Variants in FRY observed in about 807,000 individuals in gnomAD.
The protein encoded by FRY is FRY microtubule binding protein.
In FRY, 128 loss-of-function variants were observed where a neutral mutation model predicts 348.4. That is an observed-to-expected ratio of 0.37 (90% CI 0.32 to 0.43). The LOEUF (loss-of-function observed/expected upper bound fraction) is 0.43. FRY is among the 20% of genes least tolerant of loss of function. The pLI is 1.00. For synonymous variants in FRY, 1,370 were observed against 1,374.7 expected (o/e 1.00, Z 0.08); for missense variants, 2,736 against 3,695.2 (o/e 0.74, Z 6.73).
intron 1 of FRY, among the ~76,000 whole-genome samples, chr13:32,032,869 C>A (rs888036326): frequency 3.3e-5 from 5 of 152,184 alleles, no homozygotes; most frequent in African/African-American, 1.2e-4. Context: ...ACTGATTAAC[C>A]TACCTGTGCT....
chr13:32,184,585 C>G lies in FRY; in HGVS notation c.3055-15C>G. On this transcript the variant is annotated splice_polypyrimidine_tract_variant and intron_variant, in intron 24 of 60. Coordinates refer to ENST00000542859, the MANE Select transcript of FRY (RefSeq NM_023037.3). ...TTGCCTGTGTCTGTAAGTGATACTACCTCTTTCTACACAGAACAAGAAACG... is the reference window on the plus strand; with the variant it reads ...TTGCCTGTGTCTGTAAGTGATACTAGCTCTTTCTACACAGAACAAGAAACG... 6.4e-7 allele frequency: 1 copy of G among 1,550,832 alleles called. No homozygotes were observed. Among genetic ancestry groups the G allele is most frequent in the Non-Finnish European group, 8.9e-7 (1 of 1,122,592 alleles).
At chr13:32,107,009 T>G (rs1877595355) in intron 3 of FRY, among the ~76,000 whole-genome samples, 2 of 152,228 alleles carry the variant, frequency 1.3e-5, no homozygotes, top group Admixed American at 1.3e-4. Flanking sequence ...ACTCATAATT[T>G]TATTGGTTTA....
rs565357679 is a variant in FRY at position 32,262,421 on chromosome 13, C to T, written c.7725C>T (p.Ser2575=). 10 of 1,613,454 alleles carry T rather than the reference C, an allele frequency of 6.2e-6. No homozygotes were observed. The highest frequency in any genetic ancestry group is 8.5e-6 in the Non-Finnish European group (10 of 1,179,494). ...ATTCCTTTAACACCAGAATGTCCAG[C>T]TTTGATGCTTCCTTGCCTGATATGA... ...EPHSFNTRMS[S]FDASLPDMNN... is the part of the protein sequence containing the mutation. The change falls in exon 53 of 61, where the codon AGC becomes AGT. Residue 2575 remains serine, a synonymous_variant. Transcript: ENST00000542859.
intron 52 of FRY, 29 bp downstream of exon 52, chr13:32,261,845 T>C: frequency 6.3e-7 from 1 of 1,593,408 alleles, no homozygotes; most frequent in Admixed American, 1.7e-5. Flanking sequence ...ACTCTAAGAA[T>C]TGGGAGGCTT....
chr13:32,187,596 T>C lies in FRY; in HGVS notation c.3531T>C (p.Leu1177=). The change falls in exon 28 of 61, where the codon CTT becomes CTC. Residue 1177 remains leucine (L), a synonymous_variant. Transcript: ENST00000542859. ...GCCCTGTCTTTGACAATGTGGGCCTTTCCCCAGATGGCTACCTATATAAAT... is the reference window on the plus strand; with the variant it reads ...GCCCTGTCTTTGACAATGTGGGCCTCTCCCCAGATGGCTACCTATATAAAT... ...CCGPVFDNVG[L]SPDGYLYKWL... 1.9e-6 allele frequency: 3 copies of C among 1,613,100 alleles called. No individual in the cohort carries two copies. The highest frequency in any genetic ancestry group is 2.5e-6 in the Non-Finnish European group (3 of 1,179,064).
At chr13:32,124,767 C>A in intron 6 of FRY, 28 bp from the exon 7 acceptor site, 1 of 1,572,768 alleles carries the variant, frequency 6.4e-7, no homozygotes, top group South Asian at 1.1e-5. Context: ...CCAGGGATCC[C>A]TAACTTGTCT....
At chr13:32,142,010 G>GT (rs113549707) in intron 11 of FRY, among the ~76,000 whole-genome samples, 4,732 of 151,944 alleles carry the variant, frequency 0.031, 269 homozygotes, top group African/African-American at 0.11. Flanking sequence ...CAGAAGAATG[G>GT]TTTTTTTTGA....
intron 1 of FRY, among the ~76,000 whole-genome samples, chr13:32,060,363 T>G: frequency 6.6e-6 from 1 of 152,240 alleles, no homozygotes; most frequent in Non-Finnish European, 1.5e-5. Flanking sequence ...ACAAGTCAGT[T>G]TAGGCTGTGT....
intron 3 of FRY, among the ~76,000 whole-genome samples, chr13:32,110,277 G>A (rs1010773339): frequency 1.3e-5 from 2 of 152,130 alleles, no homozygotes; most frequent in African/African-American, 4.8e-5. Flanking sequence ...TCTGTGGAGA[G>A]CATCTATGAA....
intron 31 of FRY, among the ~76,000 whole-genome samples, chr13:32,206,928 T>G (rs953160271): frequency 3.9e-5 from 6 of 152,140 alleles, no homozygotes; most frequent in Admixed American, 3.3e-4. Context: ...ACTGATGTGG[T>G]CTCACATTTT....
intron 46 of FRY, among the ~76,000 whole-genome samples, chr13:32,240,086 A>G (rs551237385): frequency 1.3e-5 from 2 of 152,316 alleles, no homozygotes; most frequent in East Asian, 3.9e-4. Flanking sequence ...ATTTGCATAA[A>G]ATTGATAATA....
chr13:32,218,699 G>A (rs201149016), intron 35 of FRY, 50 bp from the exon 36 acceptor site: 45 of 777,940 alleles, frequency 5.8e-5, no homozygotes, highest in African/African-American at 1.5e-4. Context: ...AAAAAAAAGC[G>A]CATATGCACA....
At chr13:32,292,576 A>G (rs188500194) in intron 59 of FRY, among the ~76,000 whole-genome samples, 3 of 151,864 alleles carry the variant, frequency 2.0e-5, no homozygotes, top group African/African-American at 7.2e-5. Flanking sequence ...GGCAGATCAC[A>G]AGGTCAGGAG....
At chr13:32,169,738 A>G (rs1023513020) in intron 17 of FRY, among the ~76,000 whole-genome samples, 5 of 152,158 alleles carry the variant, frequency 3.3e-5, no homozygotes, top group African/African-American at 4.8e-5. Context: ...AGTGCTGTAC[A>G]TAGGGCATGT....
intron 1 of FRY, among the ~76,000 whole-genome samples, chr13:32,067,607 ATTTTG>A: frequency 6.6e-6 from 1 of 152,222 alleles, no homozygotes; most frequent in African/African-American, 2.4e-5. Context: ...AACTGCAGAG[ATTTTG>A]AACAAATGAT....
intron 18 of FRY, 83 bp from the exon 19 acceptor site, chr13:32,173,284 G>A (rs1593696290): frequency 1.9e-6 from 2 of 1,050,728 alleles, no homozygotes; most frequent in East Asian, 4.8e-5. Context: ...GGTCAAATGT[G>A]CAAAAAATAT....
At chr13:32,231,353 C>A in intron 41 of FRY, 53 bp downstream of exon 41, 2 of 1,575,348 alleles carry the variant, frequency 1.3e-6, no homozygotes, top group East Asian at 2.2e-5. Flanking sequence ...CTGTAATGGA[C>A]ACTGTCTCTA....
chr13:32,171,374 C>T lies in FRY; in HGVS notation c.2151+104C>T, dbSNP rs559777755. 2.7e-4 allele frequency: 258 copies of T among 956,486 alleles called. 2 individuals are homozygous for T. The African/African-American group carries it at 4.2e-3, about 15-fold the overall frequency. 59.2% of individuals were successfully genotyped at this position (956,486 alleles called of 1,614,324 possible). A position where few individuals can be genotyped will look rare whatever the true frequency, so the allele number is the denominator to read the frequency against. ...TTGCCCAGGCTGGAGTGCAGTGGCGCGATCTTGACTCACTGCAACCTCCAC... is the reference window on the plus strand; with the variant it reads ...TTGCCCAGGCTGGAGTGCAGTGGCGTGATCTTGACTCACTGCAACCTCCAC... On this transcript the variant is annotated intron_variant, in intron 18 of 60. Coordinates refer to ENST00000542859, the MANE Select transcript of FRY (RefSeq NM_023037.3).
At chr13:32,134,557 C>T (rs1424167481) in intron 8 of FRY, among the ~76,000 whole-genome samples, 1 of 152,218 alleles carries the variant, frequency 6.6e-6, no homozygotes, top group African/African-American at 2.4e-5. Context: ...GCCTAACACA[C>T]ACACTAAGTA....
Sources: allele counts gnomAD v4.1 joint callset (sites outside exome capture counted in the v4.1 genomes callset), GRCh38; gene constraint gnomAD v4.1.1; transcripts MANE v1.5; gene names NCBI Gene and HGNC (gene_info 2026-07-23, HGNC 2026-07-21).